The following SMOC1 variants were observed in gnomAD, a reference collection of about 807,000 sequenced individuals.
SMOC1 encodes SPARC related modular calcium binding 1, also known as SPARC-related modular calcium-binding protein 1.
A neutral mutation model predicts 56.3 loss-of-function variants in SMOC1; 22 were observed. The ratio of observed to expected loss-of-function variants is 0.39; its 90% CI spans 0.28 to 0.56. SMOC1 has a LOEUF of 0.56. SMOC1 is among the 20% of genes least tolerant of loss of function. The probability of loss-of-function intolerance (pLI) is 0.61; values close to 1 mark genes in which losing one functional copy is unlikely to be tolerated. For missense variants in SMOC1, 509 were observed against 565.4 expected (o/e 0.90, Z 1.01); for synonymous variants, 193 against 215.0 (o/e 0.90, Z 0.89).
At chr14:69,924,773 T>G (rs71423380) in intron 1 of SMOC1, among the ~76,000 whole-genome samples, 1 of 4,166 alleles carries the variant, frequency 2.4e-4, no homozygotes, top group Non-Finnish European at 4.0e-4. Context: ...GTAGGGGAGG[T>G]AGGGGAGGTA....
chr14:70,027,698 C>G lies in SMOC1; in HGVS notation c.1292-2544C>G, dbSNP rs887893893. On this transcript the variant is annotated intron_variant, in intron 11 of 11. Transcript: ENST00000361956. ...GGCAAGTTACCTAAACTCTCTAAGCCTCCGTTTCCCCATTTGCAAAGTGGA... is the reference window on the plus strand; with the variant it reads ...GGCAAGTTACCTAAACTCTCTAAGCGTCCGTTTCCCCATTTGCAAAGTGGA... 2.0e-5 allele frequency among the ~76,000 whole-genome samples: 3 copies of G among 152,210 alleles called. No homozygotes were observed. In the East Asian group the frequency reaches 5.8e-4, roughly 29 times the overall value.
chr14:69,914,890 A>ATTCG (rs1884645325), intron 1 of SMOC1, among the ~76,000 whole-genome samples: 1 of 151,596 alleles, frequency 6.6e-6, no homozygotes, highest in Admixed American at 6.6e-5. Context: ...TCATTCATTC[A>ATTCG]TTCATTCATT....
At position 70,030,311 on chromosome 14, in the gene SMOC1, C is replaced by T. The variant is rs1886096840; in HGVS notation, c.*53C>T. ...GAGTCCAGGGAGGCAGGATGGATCA[C>T]CAGACACCTAACCTTCAGCGTTGCC... is the stretch of plus-strand genomic sequence containing the variant. On this transcript the variant is annotated 3_prime_UTR_variant, in exon 12 of 12. Coordinates refer to ENST00000361956, the MANE Select transcript of SMOC1 (RefSeq NM_001034852.3). 6.2e-7 allele frequency: 1 copy of T among 1,609,802 alleles called. No individual in the cohort carries two copies. Among genetic ancestry groups the T allele is most frequent in the Admixed American group, 1.7e-5 (1 of 59,658 alleles).
chr14:69,958,572 T>C (rs532528640), intron 3 of SMOC1, among the ~76,000 whole-genome samples: 24 of 152,290 alleles, frequency 1.6e-4, no homozygotes, highest in African/African-American at 5.8e-4. Context: ...GGGAAAAGGG[T>C]GCCCTTCTAT....
At chr14:70,016,094 T>C (rs1885500009) in intron 10 of SMOC1, among the ~76,000 whole-genome samples, 1 of 152,162 alleles carries the variant, frequency 6.6e-6, no homozygotes, top group South Asian at 2.1e-4. Flanking sequence ...TCCTCTTGGT[T>C]GCTTTCCCAA....
At chr14:69,985,421 A>G (rs980612688) in intron 5 of SMOC1, among the ~76,000 whole-genome samples, 1 of 152,224 alleles carries the variant, frequency 6.6e-6, no homozygotes, top group Admixed American at 6.5e-5. Flanking sequence ...ATGAAAATTT[A>G]TGGCCACACA....
At chr14:69,963,230 C>G (rs1477967333) in intron 3 of SMOC1, among the ~76,000 whole-genome samples, 1 of 152,012 alleles carries the variant, frequency 6.6e-6, no homozygotes, top group Non-Finnish European at 1.5e-5. Flanking sequence ...GGCAGAGCAT[C>G]TAGTAGGGGG....
intron 7 of SMOC1, among the ~76,000 whole-genome samples, chr14:70,005,946 T>C (rs920655621): frequency 2.0e-5 from 3 of 152,194 alleles, no homozygotes; most frequent in Non-Finnish European, 4.4e-5. Flanking sequence ...TGAGCACAGA[T>C]TATTTTAGAA....
chr14:69,929,152 A>G (rs1277514754), intron 1 of SMOC1, among the ~76,000 whole-genome samples: 1 of 152,148 alleles, frequency 6.6e-6, no homozygotes, highest in Non-Finnish European at 1.5e-5. Context: ...CACATCAGAG[A>G]TCCCTGGAGG....
intron 5 of SMOC1, among the ~76,000 whole-genome samples, chr14:69,983,955 T>C (rs1175789257): frequency 6.6e-6 from 1 of 152,192 alleles, no homozygotes; most frequent in Non-Finnish European, 1.5e-5. Flanking sequence ...GAAAGAAAGA[T>C]GTGAGATTCA....
rs199928475 is a variant in SMOC1 at position 69,992,464 on chromosome 14, G to C, written c.574G>C (p.Asp192His). The change falls in exon 6 of 12, where the codon GAT becomes CAT. Residue 192 changes from aspartate (D) to histidine (H), a missense_variant. Around this residue, in one of 3 missense-constraint regions of SMOC1, gnomAD observed 315 missense variants for 333.1 expected, o/e 0.95. Coordinates refer to ENST00000361956, the MANE Select transcript of SMOC1 (RefSeq NM_001034852.3). ...CACGATGGAGACCCAGCCGGTGTTCGATGGAGATGGTAAGATCTTGCATTA... is the reference window on the plus strand; with the variant it reads ...CACGATGGAGACCCAGCCGGTGTTCCATGGAGATGGTAAGATCTTGCATTA... ...TPTMETQPVF[D>H]GDEITAPTLW... 1.2e-6 allele frequency: 2 copies of C among 1,613,136 alleles called. No individual in the cohort carries two copies. Among genetic ancestry groups the C allele is most frequent in the African/African-American group, 2.7e-5 (2 of 74,884 alleles).
chr14:69,986,720 T>A (rs1269479678), intron 5 of SMOC1, among the ~76,000 whole-genome samples: 1 of 152,322 alleles, frequency 6.6e-6, no homozygotes, highest in East Asian at 1.9e-4. Context: ...GTCCCCAGTT[T>A]GCCTTTTCCC....
chr14:69,886,849 A>C (rs753904447), intron 1 of SMOC1, among the ~76,000 whole-genome samples: 1 of 152,144 alleles, frequency 6.6e-6, no homozygotes, highest in Non-Finnish European at 1.5e-5. Flanking sequence ...TAGAGCTGAC[A>C]TGTGAAATTT....
At chr14:69,942,232 G>A (rs1239484580) in intron 1 of SMOC1, among the ~76,000 whole-genome samples, 1 of 151,960 alleles carries the variant, frequency 6.6e-6, no homozygotes, top group African/African-American at 2.4e-5. Flanking sequence ...TAGGGGCAGG[G>A]CCTGTGTTCT....
intron 8 of SMOC1, 32 bp from the exon 9 acceptor site, chr14:70,011,453 T>TCCCAACCCCCC: frequency 1.1e-6 from 1 of 873,956 alleles, no homozygotes. Flanking sequence ...TGCCAGCCCC[T>TCCCAACCCCCC]CCCAACCCCC....
chr14:69,956,045 C>G (rs1338260460), intron 3 of SMOC1, among the ~76,000 whole-genome samples: 1 of 152,174 alleles, frequency 6.6e-6, no homozygotes, highest in Non-Finnish European at 1.5e-5. Context: ...CACTGGCCAG[C>G]TTTTGTTTTG....
intron 1 of SMOC1, among the ~76,000 whole-genome samples, chr14:69,887,237 A>G (rs1883833820): frequency 1.3e-5 from 2 of 152,060 alleles, no homozygotes; most frequent in African/African-American, 2.4e-5. Flanking sequence ...ACAGTAACTT[A>G]TAAATAACTA....
At chr14:69,989,873 C>T (rs1204247187) in intron 5 of SMOC1, among the ~76,000 whole-genome samples, 1 of 152,186 alleles carries the variant, frequency 6.6e-6, no homozygotes, top group African/African-American at 2.4e-5. Context: ...GCCAGGAGCC[C>T]AGGTGCCCGG....
intron 1 of SMOC1, among the ~76,000 whole-genome samples, chr14:69,900,355 G>C (rs11158823): frequency 2.0e-5 from 3 of 152,078 alleles, no homozygotes; most frequent in Admixed American, 2.0e-4. Flanking sequence ...AAATCAACAC[G>C]TTCTACAAAA....
Sources: allele counts gnomAD v4.1 joint callset (sites outside exome capture counted in the v4.1 genomes callset), GRCh38; gene constraint gnomAD v4.1.1; regional missense constraint gnomAD v4.1.1; transcripts MANE v1.5; gene names NCBI Gene and HGNC (gene_info 2026-07-23, HGNC 2026-07-21).